ELP5: variants seen among roughly 807,000 people sequenced by gnomAD.
The protein encoded by ELP5 is elongator acetyltransferase complex subunit 5.
In ELP5, 34 loss-of-function variants were observed where a neutral mutation model predicts 33.4. The observed-to-expected ratio is 1.02, with a 90% CI of 0.78 to 1.36. The LOEUF is 1.36. Among genes scored for constraint, ELP5 ranks in the 40% most tolerant of loss-of-function variants. The pLI, the probability that ELP5 is intolerant of heterozygous loss-of-function variation, is 0.00. For synonymous variants in ELP5, 161 were observed against 146.4 expected (o/e 1.10, Z -0.72); for missense variants, 373 against 371.7 (o/e 1.00, Z -0.03).
chr17:7,253,296 GAGCACCA>G (rs1209646169), intron 3 of ELP5, among the ~76,000 whole-genome samples: 1 of 152,170 alleles, frequency 6.6e-6, no homozygotes, highest in African/African-American at 2.4e-5. Flanking sequence ...CATATGTACC[GAGCACCA>G]ACTATCAACC....
intron 3 of ELP5, 83 bp downstream of exon 3, chr17:7,253,081 G>A (rs1367211273): frequency 7.7e-7 from 1 of 1,305,292 alleles, no homozygotes; most frequent in Non-Finnish European, 1.1e-6. Flanking sequence ...GCAGAACCTG[G>A]TATGTAGTAG....
intron 7 of ELP5, 175 bp downstream of exon 7, chr17:7,259,101 T>C (rs934031997): frequency 6.9e-7 from 1 of 1,450,026 alleles, no homozygotes; most frequent in Non-Finnish European, 9.0e-7. Flanking sequence ...AGAGGACCTT[T>C]ATGTCTCTTT....
Position 7,257,017 on chromosome 17 carries a change from C to G in ELP5, c.570C>G (p.Pro190=), listed in dbSNP as rs545411874. The change falls in exon 5 of 8, where the codon CCC becomes CCG. Residue 190 remains proline, a synonymous_variant. Transcript: ENST00000396628. ...QASAHILCRR[P]RQRPTDQTQW... is the part of the protein sequence containing the mutation. ...CGGCCCACATCCTGTGTCGGAGGCCCCGACAGCGCCCAACTGACCAGGTCA... is the reference window on the plus strand; with the variant it reads ...CGGCCCACATCCTGTGTCGGAGGCCGCGACAGCGCCCAACTGACCAGGTCA... 5 of 1,597,346 alleles carry G rather than the reference C, an allele frequency of 3.1e-6. No individual in the cohort carries two copies. Among genetic ancestry groups the G allele is most frequent in the Non-Finnish European group, 4.3e-6 (5 of 1,173,740 alleles).
chr17:7,253,365 C>T (rs575399580), intron 3 of ELP5, among the ~76,000 whole-genome samples: 59 of 152,258 alleles, frequency 3.9e-4, no homozygotes, highest in African/African-American at 1.4e-3. Flanking sequence ...TGTTCCTGAC[C>T]TAATGAATTT....
At position 7,258,906 on chromosome 17, in the gene ELP5, C is replaced by T; in HGVS notation, c.768C>T (p.Pro256=). Residue 256 remains proline, a synonymous_variant, in exon 7 of 8, where the codon CCC becomes CCT. Coordinates refer to ENST00000396628, the MANE Select transcript of ELP5 (RefSeq NM_203414.3). ...AAGCCAGAGATAGCCTGATCCTGCCCTTCCAGTTCAGTTCTGAAAAGTAAG... is the reference window on the plus strand; with the variant it reads ...AAGCCAGAGATAGCCTGATCCTGCCTTTCCAGTTCAGTTCTGAAAAGTAAG... ...EREARDSLIL[P]FQFSSEKQQA... is the part of the protein sequence containing the mutation. 2 of 1,614,174 alleles carry T rather than the reference C, an allele frequency of 1.2e-6. No individual in the cohort carries two copies. The highest frequency in any genetic ancestry group is 1.1e-5 in the South Asian group (1 of 91,086).
chr17:7,259,226 G>A (rs975182634), intron 7 of ELP5: 16 of 1,365,370 alleles, frequency 1.2e-5, no homozygotes, highest in African/African-American at 2.9e-5. Flanking sequence ...GTGGTGCTAG[G>A]AGGACAGAAG....
intron 4 of ELP5, among the ~76,000 whole-genome samples, chr17:7,255,798 A>T (rs2072062915): frequency 6.6e-6 from 1 of 152,234 alleles, no homozygotes; most frequent in African/African-American, 2.4e-5. Context: ...GCAGTGGCTC[A>T]TGCCTGTAAT....
At position 7,258,865 on chromosome 17, in the gene ELP5, T is replaced by TC; in HGVS notation, c.729dup (p.Lys244GlnfsTer9). 1 of 1,614,094 alleles carries TC rather than the reference T, an allele frequency of 6.2e-7. No individual in the cohort carries two copies. The highest frequency in any genetic ancestry group is 8.5e-7 in the Non-Finnish European group (1 of 1,180,020). Reference sequence around the variant, plus strand: ...TCATTTGACCTTTAACCTTCACCTGTCCAAGAAAGAGAGAGAAGCCAGAGA... The same window carrying TC: ...TCATTTGACCTTTAACCTTCACCTGTCCCAAGAAAGAGAGAGAAGCCAGAGA... On this transcript the variant is annotated frameshift_variant, in exon 7 of 8. Transcript: ENST00000396628. LOFTEE classifies it high-confidence loss of function.
intron 3 of ELP5, 142 bp from the exon 4 acceptor site, chr17:7,254,441 C>CT (rs1491116100): frequency 1.5e-6 from 1 of 660,398 alleles, no homozygotes; most frequent in East Asian, 2.8e-5. Flanking sequence ...TCACTGTATG[C>CT]TCTCTCTCAG....
In ELP5 at chr17:7,254,243, A is replaced by G. The variant is rs76474116; in HGVS notation, c.189-340A>G. Reference sequence around the variant, plus strand: ...TGCCACACACAGGAAATATTTGATAATGGTGATAACTAACATTTATCAGGC... The same window carrying G: ...TGCCACACACAGGAAATATTTGATAGTGGTGATAACTAACATTTATCAGGC... On this transcript the variant is annotated intron_variant, in intron 3 of 7. Transcript: ENST00000396628. Among the ~76,000 whole-genome samples, 698 of 152,326 alleles carry G rather than the reference A, an allele frequency of 4.6e-3. 6 individuals carry two copies. The highest frequency in any genetic ancestry group is 0.016 in the African/African-American group (671 of 41,566).
At chr17:7,256,480 A>G (rs969759981) in intron 4 of ELP5, among the ~76,000 whole-genome samples, 1 of 152,220 alleles carries the variant, frequency 6.6e-6, no homozygotes, top group East Asian at 1.9e-4. Flanking sequence ...ATGCTCCCAA[A>G]AAGGGAGGCA....
At chr17:7,252,620 G>C (rs746306281) in intron 1 of ELP5, 24 bp downstream of exon 1, 1 of 1,607,740 alleles carries the variant, frequency 6.2e-7, no homozygotes, top group African/African-American at 1.3e-5. Flanking sequence ...GCACGGTGGC[G>C]GGGCGGGGGG....
At chr17:7,255,306 A>C (rs2072052285) in intron 4 of ELP5, among the ~76,000 whole-genome samples, 1 of 151,978 alleles carries the variant, frequency 6.6e-6, no homozygotes, top group Admixed American at 6.6e-5. Flanking sequence ...TGGGTAGATC[A>C]CAAGGTCAGG....
chr17:7,258,758 C>G (rs746970320), intron 6 of ELP5, 68 bp from the exon 7 acceptor site: 3 of 1,613,908 alleles, frequency 1.9e-6, no homozygotes, highest in African/African-American at 2.7e-5. Context: ...ATAAAAGCTG[C>G]AGAGGTTGGG....
Position 7,252,427 on chromosome 17 carries a change from C to T in ELP5, c.-124C>T, listed in dbSNP as rs2071955743. 3 of 1,427,020 alleles carry T rather than the reference C, an allele frequency of 2.1e-6. No individual in the cohort carries two copies. The highest frequency in any genetic ancestry group is 1.2e-5 in the South Asian group (1 of 83,694). The allele number at this position is 1,427,020 out of a possible 1,614,324, so 88.4% of individuals were successfully genotyped here. ...GAACATAATCACCTCTCATTCCAGA[C>T]TATGTTAGGTCTTAATGGTGGGAGG... On this transcript the variant is annotated 5_prime_UTR_variant, in exon 1 of 8. Transcript: ENST00000396628.
At chr17:7,253,967 A>C (rs1006716442) in intron 3 of ELP5, among the ~76,000 whole-genome samples, 4 of 151,596 alleles carry the variant, frequency 2.6e-5, no homozygotes, top group Non-Finnish European at 4.4e-5. Flanking sequence ...ATTGCACTCC[A>C]GCCTGGGCAA....
At chr17:7,253,995 C>CA (rs569972376) in intron 3 of ELP5, among the ~76,000 whole-genome samples, 1,049 of 80,772 alleles carry the variant, frequency 0.013, 10 homozygotes, top group African/African-American at 0.025. Flanking sequence ...AACTCTGTCT[C>CA]AAAAAAAAAA....
chr17:7,252,754 G>C lies in ELP5; in HGVS notation c.47-16G>C, dbSNP rs745891392. ...CCCAGCGCTCTCATACCCTTTATCC[G>C]TCCCTCGCTCTGCAGATTCCGTGGA... On this transcript the variant is annotated splice_polypyrimidine_tract_variant and intron_variant, in intron 1 of 7. Transcript: ENST00000396628. 1 of 1,614,008 alleles carries C rather than the reference G, an allele frequency of 6.2e-7. No individual in the cohort carries two copies. The highest frequency in any genetic ancestry group is 1.3e-5 in the African/African-American group (1 of 74,966).
At chr17:7,254,014 G>C (rs1437472298) in intron 3 of ELP5, among the ~76,000 whole-genome samples, 1 of 99,742 alleles carries the variant, frequency 1.0e-5, no homozygotes, top group Non-Finnish European at 1.9e-5. Flanking sequence ...AAAAAAAAGC[G>C]GGCACTCCAC....
Sources: allele counts gnomAD v4.1 joint callset (sites outside exome capture counted in the v4.1 genomes callset), GRCh38; gene constraint gnomAD v4.1.1; transcripts MANE v1.5; gene names NCBI Gene and HGNC (gene_info 2026-07-23, HGNC 2026-07-21).